IPO8: variants seen among roughly 807,000 people sequenced by gnomAD.
IPO8 encodes the protein importin-8.
In IPO8, 65 loss-of-function variants were observed where a neutral mutation model predicts 141.2. The observed-to-expected ratio is 0.46, with a 90% CI of 0.38 to 0.57. The LOEUF is 0.57. Ranked by LOEUF, IPO8 falls within the 20% of genes least tolerant of loss-of-function variation. The pLI is 0.00. For synonymous variants in IPO8, 411 were observed against 420.3 expected (o/e 0.98, Z 0.27); for missense variants, 980 against 1,246.8 (o/e 0.79, Z 3.22).
chr12:30,667,986 C>T (rs1429809490), intron 10 of IPO8, among the ~76,000 whole-genome samples: 1 of 151,856 alleles, frequency 6.6e-6, no homozygotes, highest in Non-Finnish European at 1.5e-5. Context: ...AAATAATTAG[C>T]CAGGTGTGGT....
In IPO8 at chr12:30,630,831, T is replaced by G; in HGVS notation, c.*29A>C. 116 of 1,538,188 alleles carry G rather than the reference T, an allele frequency of 7.5e-5. No individual in the cohort carries two copies. Among genetic ancestry groups the G allele is most frequent in the Non-Finnish European group, 9.7e-5 (108 of 1,113,110 alleles). ...CCTCTTGTGAAATAAAATGCAGCGA[T>G]GACATTTGGTCAGCTGATGTTCTTT... On this transcript the variant is annotated 3_prime_UTR_variant, in exon 25 of 25. Coordinates refer to ENST00000256079, the MANE Select transcript of IPO8 (RefSeq NM_006390.4).
At position 30,652,952 on chromosome 12, in the gene IPO8, T is replaced by C. The variant is rs766005663; in HGVS notation, c.2074+15A>G. The C allele has an allele frequency of 1.3e-6, 2 of 1,566,200 alleles. No homozygotes were observed. The highest frequency in any genetic ancestry group is 2.3e-5 in the East Asian group (1 of 44,010). On this transcript the variant is annotated intron_variant, in intron 18 of 24. Transcript: ENST00000256079. ...GACACAGAAAAGCAAAAATTTTATATGGTCAAAGCCATACCTGTAAAGTAT... is the reference window on the plus strand; with the variant it reads ...GACACAGAAAAGCAAAAATTTTATACGGTCAAAGCCATACCTGTAAAGTAT...
intron 13 of IPO8, 111 bp from the exon 14 acceptor site, chr12:30,663,765 TG>T: frequency 1.2e-6 from 1 of 846,156 alleles, no homozygotes; most frequent in Non-Finnish European, 1.6e-6. Flanking sequence ...AAGAAATGTT[TG>T]CTTTTGGGGT....
chr12:30,657,110 T>C (rs1441283421), intron 16 of IPO8, among the ~76,000 whole-genome samples: 5 of 151,492 alleles, frequency 3.3e-5, no homozygotes, highest in Non-Finnish European at 2.9e-5. Flanking sequence ...AAATAAGAAA[T>C]GAAAAGAATG....
rs201026016 is a variant in IPO8, at chr12:30,665,744, A to G, written c.1323T>C (p.Ala441=). Residue 441 remains alanine, a synonymous_variant, in exon 12 of 25, where the codon GCT becomes GCC. Transcript: ENST00000256079. ...DGALHVIGSL[A]EILLKKSLFK... ...TTATCTTAACCTTCAGTAAAATCTCAGCTAGGGAACCAATCACATGCAGGG... is the reference window on the plus strand; with the variant it reads ...TTATCTTAACCTTCAGTAAAATCTCGGCTAGGGAACCAATCACATGCAGGG... The G allele has an allele frequency of 5.6e-6, 9 of 1,605,758 alleles. No individual in the cohort carries two copies. Among genetic ancestry groups the G allele is most frequent in the Non-Finnish European group, 8.5e-7 (1 of 1,172,726 alleles).
intron 19 of IPO8, among the ~76,000 whole-genome samples, chr12:30,651,602 T>C (rs564196318): frequency 6.6e-6 from 1 of 152,148 alleles, no homozygotes; most frequent in East Asian, 1.9e-4. Context: ...TACTTATTTA[T>C]TTACCTAAAG....
At chr12:30,645,098 G>C (rs2052626168) in intron 20 of IPO8, among the ~76,000 whole-genome samples, 1 of 152,032 alleles carries the variant, frequency 6.6e-6, no homozygotes, top group Non-Finnish European at 1.5e-5. Context: ...ACCAGGCCAG[G>C]TGCGGTGGCT....
intron 5 of IPO8, 103 bp downstream of exon 5, chr12:30,680,379 A>T: frequency 1.2e-6 from 1 of 850,340 alleles, no homozygotes. Flanking sequence ...TATATGGGAT[A>T]ATACAAAATA....
intron 2 of IPO8, among the ~76,000 whole-genome samples, chr12:30,689,194 C>T (rs545696300): frequency 1.3e-5 from 2 of 152,136 alleles, no homozygotes; most frequent in East Asian, 3.9e-4. Context: ...GTATTAAGAA[C>T]AATGTAAGTT....
intron 20 of IPO8, among the ~76,000 whole-genome samples, chr12:30,644,455 C>G (rs1323849551): frequency 2.0e-5 from 3 of 151,474 alleles, no homozygotes; most frequent in Admixed American, 1.3e-4. Flanking sequence ...CACTAATACC[C>G]CAATAAAGCT....
rs2052434621 is a variant in IPO8, at chr12:30,631,678, C to T, written c.3016+217G>A. On this transcript the variant is annotated intron_variant, in intron 24 of 24. Coordinates refer to ENST00000256079, the MANE Select transcript of IPO8 (RefSeq NM_006390.4). ...TAGGATAAGAATGTGAATGAGAACA[C>T]CACTAGGAAATACATATTAATGTGC... is the stretch of plus-strand genomic sequence containing the variant. 9 of 436,860 alleles carry T rather than the reference C, an allele frequency of 2.1e-5. No homozygotes were observed. The South Asian group carries it at 2.4e-4, about 12-fold the overall frequency. 27.1% of individuals were successfully genotyped at this position (436,860 alleles called of 1,614,324 possible).
At chr12:30,672,479 C>T (rs532753940) in intron 8 of IPO8, among the ~76,000 whole-genome samples, 60 of 152,164 alleles carry the variant, frequency 3.9e-4, no homozygotes, top group Non-Finnish European at 6.5e-4. Flanking sequence ...AGAGAAGAGT[C>T]CCTGATAAGA....
At chr12:30,630,994 A>C in intron 24 of IPO8, 37 bp from the exon 25 acceptor site, 1 of 1,533,092 alleles carries the variant, frequency 6.5e-7, no homozygotes, top group Non-Finnish European at 9.0e-7. Context: ...GAAGAAAAAA[A>C]AAGAATGCTT....
chr12:30,650,910 A>T (rs899536476), intron 19 of IPO8, among the ~76,000 whole-genome samples: 3 of 152,006 alleles, frequency 2.0e-5, no homozygotes, highest in Non-Finnish European at 4.4e-5. Context: ...TACCTTCCTC[A>T]TACTGTCATA....
chr12:30,653,600 T>C (rs1311133589), intron 17 of IPO8, among the ~76,000 whole-genome samples: 1 of 152,080 alleles, frequency 6.6e-6, no homozygotes, highest in Non-Finnish European at 1.5e-5. Flanking sequence ...ACAGTATTCT[T>C]CAAGTTAATC....
rs546867470 is a variant in IPO8, at chr12:30,682,101, A to G, written c.324-284T>C. Among the ~76,000 whole-genome samples the G allele has an allele frequency of 3.9e-5, 6 of 152,310 alleles. No homozygotes were observed. The South Asian group carries it at 1.2e-3, about 32-fold the overall frequency. On this transcript the variant is annotated intron_variant, in intron 3 of 24. Coordinates refer to ENST00000256079, the MANE Select transcript of IPO8 (RefSeq NM_006390.4). ...GTTTTAAATAGTTTAAAATTTTCAA[A>G]AAACTCCAATGAATCTACCTCCACT... is the stretch of plus-strand genomic sequence containing the variant.
At chr12:30,665,093 GCAGA>G in intron 13 of IPO8, 123 bp downstream of exon 13, 1 of 618,276 alleles carries the variant, frequency 1.6e-6, no homozygotes, top group South Asian at 2.1e-5. Flanking sequence ...GTGACCATAG[GCAGA>G]CATTCTAATT....
intron 16 of IPO8, among the ~76,000 whole-genome samples, chr12:30,658,552 A>G (rs1005506104): frequency 6.6e-6 from 1 of 152,226 alleles, no homozygotes; most frequent in South Asian, 2.1e-4. Flanking sequence ...AATAAATTTA[A>G]TATCAAGAGA....
chr12:30,641,388 G>T (rs1347844414), intron 20 of IPO8, among the ~76,000 whole-genome samples: 1 of 152,056 alleles, frequency 6.6e-6, no homozygotes, highest in Admixed American at 6.6e-5. Context: ...AGGGTAGAGG[G>T]ATAGGGTGGA....
Sources: gnomAD v4.1 joint callset for allele counts (sites outside exome capture counted in the v4.1 genomes callset) on GRCh38, gnomAD v4.1.1 for gene constraint, MANE v1.5 for transcripts, NCBI Gene and HGNC (gene_info 2026-07-23, HGNC 2026-07-21) for gene names.